The following NELFCD variants were observed in gnomAD, a reference collection of about 807,000 sequenced individuals.
The protein encoded by NELFCD is negative elongation factor complex member C/D.
NELFCD carries 48 observed loss-of-function variants against 72.9 expected under a neutral mutation model. That is an observed-to-expected ratio of 0.66 (90% CI 0.52 to 0.84). NELFCD has a LOEUF of 0.84. Ranked by LOEUF, NELFCD falls within the 40% of genes least tolerant of loss-of-function variation. NELFCD has a pLI of 0.00. For missense variants in NELFCD, 538 were observed against 723.8 expected (o/e 0.74, Z 2.94); for synonymous variants, 297 against 280.6 (o/e 1.06, Z -0.59).
chr20:58,991,282 A>G (rs753528278), intron 8 of NELFCD, 30 bp from the exon 9 acceptor site: 1 of 1,613,636 alleles, frequency 6.2e-7, no homozygotes, highest in African/African-American at 1.3e-5. Context: ...CACGCCTGCC[A>G]TCCCGAACTG....
At chr20:58,982,407 C>G (rs965647063) in intron 1 of NELFCD, among the ~76,000 whole-genome samples, 2 of 152,092 alleles carry the variant, frequency 1.3e-5, no homozygotes, top group Non-Finnish European at 2.9e-5. Context: ...ATCCACCCAC[C>G]TCTGCCTCCC....
In NELFCD at chr20:58,981,294, C is replaced by T. The variant is rs866459616; in HGVS notation, c.-16C>T. ...GCTCGCGGGAGGGCATGGCGGGGGC[C>T]GTGCCGGGCGCCATCATGGACGAGG... On this transcript the variant is annotated 5_prime_UTR_variant, in exon 1 of 15. Transcript: ENST00000652272. The T allele has an allele frequency of 1.4e-5, 15 of 1,072,778 alleles. No homozygotes were observed. In the East Asian group the frequency reaches 1.9e-4, roughly 14 times the overall value. The allele number at this position is 1,072,778 out of a possible 1,614,324, so 66.5% of individuals were successfully genotyped here.
intron 10 of NELFCD, among the ~76,000 whole-genome samples, chr20:58,992,282 G>A (rs1601217867): frequency 6.6e-6 from 1 of 152,130 alleles, no homozygotes; most frequent in South Asian, 2.1e-4. Flanking sequence ...GATTTGAAGG[G>A]TCTATTTATA....
intron 1 of NELFCD, among the ~76,000 whole-genome samples, chr20:58,983,280 G>C (rs1228234702): frequency 6.6e-6 from 1 of 151,356 alleles, no homozygotes; most frequent in Non-Finnish European, 1.5e-5. Context: ...GGGATTACAG[G>C]CATCCGCCAT....
chr20:58,992,947 A>G, intron 10 of NELFCD, 51 bp from the exon 11 acceptor site: 1 of 1,314,980 alleles, frequency 7.6e-7, no homozygotes, highest in Non-Finnish European at 1.1e-6. Flanking sequence ...TTTCTAGCAT[A>G]TTTTGTGTTT....
At position 58,989,848 on chromosome 20, in the gene NELFCD, A is replaced by AC; in HGVS notation, c.658-10_658-9insC. The AC allele has an allele frequency of 6.2e-7, 1 of 1,614,142 alleles. No individual in the cohort carries two copies. The highest frequency in any genetic ancestry group is 8.5e-7 in the Non-Finnish European group (1 of 1,180,032). ...TAAACCCTGCCCCCTCTCTCCCTGC[A>AC]ATCTTGCAGAAGATGGTGTGCCACG... On this transcript the variant is annotated splice_polypyrimidine_tract_variant and intron_variant, in intron 6 of 14. Transcript: ENST00000652272.
chr20:58,993,343 T>C lies in NELFCD; in HGVS notation c.1345-106T>C. ...TGGCCCTGGCTTAGGTGTCAGGACCTTCTTCCACAGTGATAAGCTCTTTGG... is the reference window on the plus strand; with the variant it reads ...TGGCCCTGGCTTAGGTGTCAGGACCCTCTTCCACAGTGATAAGCTCTTTGG... On this transcript the variant is annotated intron_variant, in intron 11 of 14. Transcript: ENST00000652272. This position sits in a 1 kb window ranked among gnomAD's most constrained non-coding sequence, Gnocchi z 5.0. 1.2e-5 allele frequency: 14 copies of C among 1,142,424 alleles called. No individual in the cohort carries two copies. Among genetic ancestry groups the C allele is most frequent in the Non-Finnish European group, 1.6e-5 (13 of 796,282 alleles). The allele number at this position is 1,142,424 out of a possible 1,614,324, so 70.8% of individuals were successfully genotyped here. A position where few individuals can be genotyped will look rare whatever the true frequency, so the allele number is the denominator to read the frequency against.
At chr20:58,984,751 G>C (rs1367548812) in intron 1 of NELFCD, among the ~76,000 whole-genome samples, 1 of 152,200 alleles carries the variant, frequency 6.6e-6, no homozygotes, top group Non-Finnish European at 1.5e-5. Flanking sequence ...GAAAGACGGA[G>C]AGAGAGATCC....
Position 58,990,757 on chromosome 20 carries a change from C to G in NELFCD, c.789-153C>G, listed in dbSNP as rs542327715. ...GCAAGCTGTATTGGAATCACTTTTC[C>G]AGTGTTGTAAATGTTATTTTTGTGG... is the stretch of plus-strand genomic sequence containing the variant. On this transcript the variant is annotated intron_variant, in intron 7 of 14. Transcript: ENST00000652272. 4.7e-6 allele frequency: 3 copies of G among 636,900 alleles called. No individual in the cohort carries two copies. In the East Asian group the frequency reaches 8.0e-5, roughly 17 times the overall value. The allele number at this position is 636,900 out of a possible 1,614,324, so 39.5% of individuals were successfully genotyped here. A position where few individuals can be genotyped will look rare whatever the true frequency, so the allele number is the denominator to read the frequency against.
chr20:58,981,508 A>T (rs2091732024), intron 1 of NELFCD, 139 bp downstream of exon 1: 2 of 205,596 alleles, frequency 9.7e-6, no homozygotes, highest in Non-Finnish European at 8.5e-6. Context: ...CCGCGCGGTC[A>T]CCGTGTGGTT....
intron 1 of NELFCD, among the ~76,000 whole-genome samples, chr20:58,983,435 CTTTTTTTTT>C (rs1280267450): frequency 7.8e-6 from 1 of 128,936 alleles, no homozygotes; most frequent in Non-Finnish European, 1.6e-5. Flanking sequence ...CGCACCCGGC[CTTTTTTTTT>C]TTTTTTTTTC....
At chr20:58,994,073 GT>G in intron 13 of NELFCD, 36 bp from the exon 14 acceptor site, 1 of 1,608,126 alleles carries the variant, frequency 6.2e-7, no homozygotes, top group South Asian at 1.1e-5. Context: ...CCCCGCACTA[GT>G]GTGCGGAAGA....
intron 8 of NELFCD, 41 bp from the exon 9 acceptor site, chr20:58,991,271 T>TCA (rs770430432): frequency 4.3e-6 from 7 of 1,612,940 alleles, no homozygotes; most frequent in Non-Finnish European, 5.9e-6. Context: ...AGCAGTGCCC[T>TCA]CACGCCTGCC....
In NELFCD at chr20:58,994,576, AAAAAG is replaced by A. The variant is rs1197986089; in HGVS notation, c.1712-62_1712-58del. ...AAACTGCATCTCAAAAAAAAAAAAA[AAAAAG>A]AAAGAAAATGTCATGTTCTACTTCC... On this transcript the variant is annotated intron_variant, in intron 14 of 14. Coordinates refer to ENST00000652272, the MANE Select transcript of NELFCD (RefSeq NM_198976.4). The A allele has an allele frequency of 3.2e-5, 44 of 1,356,518 alleles. No homozygotes were observed. The African/African-American group carries it at 3.4e-4, about 10-fold the overall frequency. 84.0% of individuals were successfully genotyped at this position (1,356,518 alleles called of 1,614,324 possible). A position where few individuals can be genotyped will look rare whatever the true frequency, so the allele number is the denominator to read the frequency against.
intron 1 of NELFCD, among the ~76,000 whole-genome samples, chr20:58,982,215 G>GGC (rs2091740242): frequency 7.2e-6 from 1 of 139,222 alleles, no homozygotes; most frequent in African/African-American, 2.6e-5. Context: ...GGAGTGTAAT[G>GGC]GCGCCATCGC....
intron 1 of NELFCD, among the ~76,000 whole-genome samples, chr20:58,982,219 C>G (rs930438469): frequency 2.9e-5 from 4 of 137,588 alleles, no homozygotes; most frequent in Non-Finnish European, 6.1e-5. Flanking sequence ...TGTAATGGCG[C>G]CATCGCGGCT....
intron 1 of NELFCD, among the ~76,000 whole-genome samples, chr20:58,984,820 G>T (rs1184072807): frequency 6.6e-6 from 1 of 152,200 alleles, no homozygotes; most frequent in African/African-American, 2.4e-5. Flanking sequence ...GGTGGAAGAG[G>T]CAGGTAGGTG....
At position 58,989,026 on chromosome 20, in the gene NELFCD, G is replaced by A. The variant is rs1800854707; in HGVS notation, c.504+5G>A. ...ATGCTGAACTTCACCGTTAAGGTAG[G>A]AAGAGTTCTAGAGTTAAGGAGAAAA... On this transcript the variant is annotated splice_donor_5th_base_variant and intron_variant, in intron 5 of 14. Transcript: ENST00000652272. 6.3e-7 allele frequency: 1 copy of A among 1,598,386 alleles called. No homozygotes were observed. The highest frequency in any genetic ancestry group is 8.6e-7 in the Non-Finnish European group (1 of 1,165,566).
intron 5 of NELFCD, 184 bp downstream of exon 5, chr20:58,989,205 G>A: frequency 1.6e-6 from 1 of 625,558 alleles, no homozygotes; most frequent in Non-Finnish European, 2.8e-6. Context: ...GGTCAGTGTT[G>A]ACTGTGTTTT....
Sources: allele counts gnomAD v4.1 joint callset (sites outside exome capture counted in the v4.1 genomes callset), GRCh38; gene constraint gnomAD v4.1.1; non-coding constraint Gnocchi (gnomAD v3.1); transcripts MANE v1.5; gene names NCBI Gene and HGNC (gene_info 2026-07-23, HGNC 2026-07-21).